The following SQSTM1 variants were observed in gnomAD, a reference collection of about 807,000 sequenced individuals.
The protein encoded by SQSTM1 is sequestosome 1.
In SQSTM1, 36 loss-of-function variants were observed where a neutral mutation model predicts 45.1. That is an observed-to-expected ratio of 0.80 (90% confidence interval 0.61 to 1.05). The LOEUF (loss-of-function observed/expected upper bound fraction) is 1.05, where lower values mean the gene tolerates loss of function less well. SQSTM1 is among the 50% of genes least tolerant of loss of function. The probability of loss-of-function intolerance (pLI) is 0.00; values close to 1 mark genes in which losing one functional copy is unlikely to be tolerated. For missense variants in SQSTM1, 617 were observed against 607.1 expected (o/e 1.02, Z -0.17); for synonymous variants, 290 against 244.3 (o/e 1.19, Z -1.74).
intron 5 of SQSTM1, among the ~76,000 whole-genome samples, chr5:179,829,705 C>CGAGGAGAGGAAAGATAAAAAAG (rs1336929991): frequency 6.6e-6 from 1 of 151,818 alleles, no homozygotes; most frequent in African/African-American, 2.4e-5. Flanking sequence ...TTCCTCTCCT[C>CGAGGAGAGGAAAGATAAAAAAG]CTAATGTAGG....
intron 1 of SQSTM1, among the ~76,000 whole-genome samples, chr5:179,808,783 T>C (rs1175860121): frequency 6.6e-6 from 1 of 152,202 alleles, no homozygotes; most frequent in Non-Finnish European, 1.5e-5. Context: ...TGACACCTCA[T>C]CTCATTAAAA....
Position 179,833,110 on chromosome 5 carries a change from C to T in SQSTM1, c.833C>T (p.Thr278Ile), listed in dbSNP as rs200445838. Residue 278 changes from threonine to isoleucine, a missense_variant, in exon 6 of 8, where the codon ACA (threonine) becomes ATA (isoleucine). Physicochemically the swap from Thr to Ile is moderately conservative, Grantham distance 89. Transcript: ENST00000389805. ...CCCGTCTCTCCAGAGAGTTCCAGCA[C>T]AGAGGAGAAGAGCAGCTCACAGCCA... is the stretch of plus-strand genomic sequence containing the variant. ...LTPVSPESSS[T>I]EEKSSSQPSS... The T allele has an allele frequency of 1.1e-5, 17 of 1,614,240 alleles. No homozygotes were observed. Among genetic ancestry groups the T allele is most frequent in the Admixed American group, 3.3e-5 (2 of 60,028 alleles).
intron 1 of SQSTM1, 100 bp from the exon 2 acceptor site, chr5:179,822,858 C>T (rs1351146638): frequency 1.0e-6 from 1 of 974,262 alleles, no homozygotes. Context: ...TGTTTATAGC[C>T]CTGTGAGTGT....
chr5:179,807,497 C>G (rs998588315), intron 1 of SQSTM1: 2 of 152,236 alleles, frequency 1.3e-5, no homozygotes, highest in African/African-American at 4.8e-5. Context: ...ACCGTACCGG[C>G]TTCCCGGGGC....
chr5:179,829,315 C>A (rs537528995), intron 5 of SQSTM1, among the ~76,000 whole-genome samples: 1 of 152,156 alleles, frequency 6.6e-6, no homozygotes, highest in South Asian at 2.1e-4. Context: ...AGAGAAGTGT[C>A]CTACAGCTCC....
At chr5:179,824,446 C>T (rs1355521789) in intron 4 of SQSTM1, 123 bp downstream of exon 4, 1 of 1,409,372 alleles carries the variant, frequency 7.1e-7, no homozygotes, top group Non-Finnish European at 9.9e-7. Context: ...CTTCCTGGTG[C>T]CCTACAATCA....
chr5:179,823,896 G>A lies in SQSTM1; in HGVS notation c.340G>A (p.Ala114Thr). 1 of 1,613,268 alleles carries A rather than the reference G, an allele frequency of 6.2e-7. No homozygotes were observed. Residue 114 changes from alanine to threonine, a missense_variant, in exon 3 of 8, where the codon GCT becomes ACT. Transcript: ENST00000389805. ...CCGGCGGGACCACCGCCCACCGTGT[G>A]CTCAGGAGGCGCCCCGCAACATGGT... is the stretch of plus-strand genomic sequence containing the variant. ...ECRRDHRPPC[A>T]QEAPRNMVHP...
upstream of SQSTM1, among the ~76,000 whole-genome samples, chr5:179,817,028 C>A (rs543489428): frequency 1.7e-3 from 253 of 152,222 alleles, 3 homozygotes; most frequent in African/African-American, 5.8e-3. Flanking sequence ...TGGCCCCGGG[C>A]AGGCCACTTC....
At chr5:179,833,462 AC>A (rs1317438652) in intron 6 of SQSTM1, 124 bp from the exon 7 acceptor site, 2 of 1,098,970 alleles carry the variant, frequency 1.8e-6, no homozygotes, top group Non-Finnish European at 2.7e-6. Context: ...TTCCCCCTAG[AC>A]CCCTGCAGCC....
Position 179,836,569 on chromosome 5 carries a change from T to G in SQSTM1, c.1299T>G (p.Tyr433Ter). The G allele has an allele frequency of 6.2e-7, 1 of 1,614,186 alleles. No individual in the cohort carries two copies. The highest frequency in any genetic ancestry group is 8.5e-7 in the Non-Finnish European group (1 of 1,180,030). The change falls in exon 8 of 8, where the codon TAT (tyrosine) becomes TAG (stop). Residue 433 changes from tyrosine (Y) to a stop codon, truncating the protein, a stop_gained. Coordinates refer to ENST00000389805, the MANE Select transcript of SQSTM1 (RefSeq NM_003900.5). LOFTEE classifies it high-confidence loss of function. ...GAGCGGCTCTGGACACCATCCAGTA[T>G]TCAAAGCATCCCCCGCCGTTGTGAC... Reference protein sequence around the residue: ...DIGAALDTIQYSKHPPPL With the variant: ...DIGAALDTIQ
Position 179,833,638 on chromosome 5 carries a change from C to G in SQSTM1, c.1021C>G (p.Leu341Val), listed in dbSNP as rs756607693. Reference protein sequence around the residue: ...CSGGDDDWTHLSSKEVDPSTG... With the variant: ...CSGGDDDWTHVSSKEVDPSTG... ...AGGAGGAGATGATGACTGGACCCAT[C>G]TGTCTTCAAAAGAAGTGGACCCGTC... The change falls in exon 7 of 8, where the codon CTG becomes GTG. Residue 341 changes from leucine (L) to valine (V), a missense_variant. Physicochemically the swap from Leu to Val is conservative, Grantham distance 32. Coordinates refer to ENST00000389805, the MANE Select transcript of SQSTM1 (RefSeq NM_003900.5). 1.2e-6 allele frequency: 2 copies of G among 1,614,162 alleles called. No individual in the cohort carries two copies. The highest frequency in any genetic ancestry group is 8.5e-7 in the Non-Finnish European group (1 of 1,180,030).
chr5:179,828,189 C>G lies in SQSTM1; in HGVS notation c.754+2963C>G, dbSNP rs74315910. ...AGACAAAGTAGCCTGTCCAGTCTTA[C>G]GACAAGGCCTGAAAATCTCACGCTT... On this transcript the variant is annotated intron_variant, in intron 5 of 7. Coordinates refer to ENST00000389805, the MANE Select transcript of SQSTM1 (RefSeq NM_003900.5). 3.7e-3 allele frequency among the ~76,000 whole-genome samples: 558 copies of G among 152,210 alleles called. 1 individual carries two copies. The highest frequency in any genetic ancestry group is 4.2e-3 in the Non-Finnish European group (284 of 68,002).
Position 179,823,032 on chromosome 5 carries a change from A to G in SQSTM1, c.280A>G (p.Ile94Val), listed in dbSNP as rs755702835. 20 of 1,613,992 alleles carry G rather than the reference A, an allele frequency of 1.2e-5. No individual in the cohort carries two copies. The South Asian group carries it at 2.2e-4, about 18-fold the overall frequency. Residue 94 changes from isoleucine (I) to valine (V), a missense_variant, in exon 2 of 8, where the codon ATC (isoleucine) becomes GTC (valine). Coordinates refer to ENST00000389805, the MANE Select transcript of SQSTM1 (RefSeq NM_003900.5). ...GGCCATGTCCTACGTGAAGGATGAC[A>G]TCTTCCGAATCTACATTAAAGGTAA... is the stretch of plus-strand genomic sequence containing the variant. ...TMAMSYVKDD[I>V]FRIYIKEKKE...
rs148203791 is a variant in SQSTM1 at position 179,830,001 on chromosome 5, G to A, written c.755-3031G>A. On this transcript the variant is annotated intron_variant, in intron 5 of 7. Coordinates refer to ENST00000389805, the MANE Select transcript of SQSTM1 (RefSeq NM_003900.5). ...GTTGTGTACTTATGGCCCCAGCTAC[G>A]TGGGAGGCTGAGGTTGGGGATGGCT... Among the ~76,000 whole-genome samples, 621 of 152,244 alleles carry A rather than the reference G, an allele frequency of 4.1e-3. 7 individuals are homozygous for A. Among genetic ancestry groups the A allele is most frequent in the African/African-American group, 0.014 (602 of 41,536 alleles).
Position 179,837,194 on chromosome 5 carries a change from T to G in SQSTM1, c.*601T>G, listed in dbSNP as rs760769659. On this transcript the variant is annotated 3_prime_UTR_variant, in exon 8 of 8. Transcript: ENST00000389805. ...CAGCTGCTTTTAAAATAAGATCTCT[T>G]TGTAGCCATCCTGTTAAATTTGTAA... is the stretch of plus-strand genomic sequence containing the variant. The G allele has an allele frequency of 6.5e-7, 1 of 1,547,680 alleles. No homozygotes were observed. Among genetic ancestry groups the G allele is most frequent in the African/African-American group, 1.4e-5 (1 of 73,752 alleles).
At position 179,806,505 on chromosome 5, in the gene SQSTM1, C is replaced by A. The variant is rs1418305829; in HGVS notation, c.-243C>A. On this transcript the variant is annotated 5_prime_UTR_variant, in exon 1 of 6. Transcript: ENST00000514093. This position sits in a 1 kb window ranked among gnomAD's most constrained non-coding sequence, Gnocchi z 4.6. The stretch of plus-strand genomic sequence containing the variant: ...CGCTCACCTTTCTGGCCGCTGAGTG[C>A]CGCGTACCAGGACAGCGAGAGGAAG... 64 of 1,323,324 alleles carry A rather than the reference C, an allele frequency of 4.8e-5. No individual in the cohort carries two copies. Among genetic ancestry groups the A allele is most frequent in the Non-Finnish European group, 6.3e-5 (64 of 1,011,198 alleles). The allele number at this position is 1,323,324 out of a possible 1,614,324, so 82.0% of individuals were successfully genotyped here.
At chr5:179,815,743 C>A (rs556022138), upstream of SQSTM1, among the ~76,000 whole-genome samples, 2 of 152,192 alleles carry the variant, frequency 1.3e-5, no homozygotes, top group Non-Finnish European at 2.9e-5. Context: ...CCTACTTTTA[C>A]GCAAGAGTAT....
intron 5 of SQSTM1, among the ~76,000 whole-genome samples, chr5:179,826,988 T>A (rs1216451370): frequency 6.6e-6 from 1 of 152,182 alleles, no homozygotes; most frequent in East Asian, 1.9e-4. Flanking sequence ...CTGGACGTAG[T>A]AAAGGTCTGA....
chr5:179,806,412 C>T lies in SQSTM1; in HGVS notation c.-336C>T. 1.0e-6 allele frequency: 1 copy of T among 956,816 alleles called. No individual in the cohort carries two copies. The highest frequency in any genetic ancestry group is 1.3e-6 in the Non-Finnish European group (1 of 775,702). 59.3% of individuals were successfully genotyped at this position (956,816 alleles called of 1,614,324 possible). ...TGCGTCGGCTTCCGGCCGCCTTCCG[C>T]GGCCACCGCCGGGCCCGCTCCCGCC... On this transcript the variant is annotated 5_prime_UTR_variant, in exon 1 of 6. Coordinates refer to the SQSTM1 transcript ENST00000514093. This position sits in a 1 kb window ranked among gnomAD's most constrained non-coding sequence, Gnocchi z 4.6.
Sources: gnomAD v4.1 joint callset for allele counts (sites outside exome capture counted in the v4.1 genomes callset) on GRCh38, gnomAD v4.1.1 for gene constraint, Gnocchi (gnomAD v3.1) non-coding constraint, MANE v1.5 for transcripts, NCBI Gene and HGNC (gene_info 2026-07-23, HGNC 2026-07-21) for gene names.